MBTD1: variants seen among roughly 807,000 people sequenced by gnomAD.
MBTD1 encodes MBT domain-containing protein 1.
MBTD1 carries 24 observed loss-of-function variants against 87.8 expected under a neutral mutation model. That is an observed-to-expected ratio of 0.27 (90% CI 0.20 to 0.38). MBTD1 has a LOEUF of 0.38. Among genes scored for constraint, MBTD1 ranks in the 10% least tolerant of loss-of-function variants. The probability of loss-of-function intolerance (pLI) is 1.00; values close to 1 mark genes in which losing one functional copy is unlikely to be tolerated. For synonymous variants in MBTD1, 237 were observed against 248.6 expected (o/e 0.95, Z 0.44); for missense variants, 436 against 760.2 (o/e 0.57, Z 5.02).
At chr17:51,194,684 C>A (rs1429585126) in intron 13 of MBTD1, among the ~76,000 whole-genome samples, 1 of 148,456 alleles carries the variant, frequency 6.7e-6, no homozygotes, top group Non-Finnish European at 1.5e-5. Flanking sequence ...GACTTCAAGA[C>A]CAGCCTGGGT....
chr17:51,214,224 C>A (rs1598352069), intron 6 of MBTD1, among the ~76,000 whole-genome samples: 1 of 152,168 alleles, frequency 6.6e-6, no homozygotes, highest in African/African-American at 2.4e-5. Flanking sequence ...ACCTTGGCCT[C>A]CCAAAGTGTT....
chr17:51,232,140 T>C (rs748068599), intron 2 of MBTD1, among the ~76,000 whole-genome samples: 2 of 152,154 alleles, frequency 1.3e-5, no homozygotes, highest in Non-Finnish European at 2.9e-5. Flanking sequence ...ATCACAGGCC[T>C]GACCTCATGA....
chr17:51,192,920 T>G lies in MBTD1; in HGVS notation c.1552A>C (p.Ile518Leu). 6.2e-7 allele frequency: 1 copy of G among 1,614,182 alleles called. No homozygotes were observed. Among genetic ancestry groups the G allele is most frequent in the Non-Finnish European group, 8.5e-7 (1 of 1,180,022 alleles). The change falls in exon 15 of 17, where the codon ATT becomes CTT. Residue 518 changes from isoleucine to leucine, a missense_variant. This residue lies in a region of MBTD1 where 80 missense variants were observed against 182.2 expected (regional missense o/e 0.44). Coordinates refer to ENST00000586178, the MANE Select transcript of MBTD1 (RefSeq NM_017643.3). ...LICVATVTRI[I>L]HRLLRIHFDG... is the part of the protein sequence containing the mutation. Reference sequence around the variant, plus strand: ...AAATGTATCCTCAAGAGACGATGAATAATTCGAGTTACTGTGGCTACACAT... The same window carrying G: ...AAATGTATCCTCAAGAGACGATGAAGAATTCGAGTTACTGTGGCTACACAT...
At chr17:51,259,244 CA>C (rs998261680) in intron 1 of MBTD1, 38 bp from the exon 2 acceptor site, 1 of 1,231,372 alleles carries the variant, frequency 8.1e-7, no homozygotes, top group Non-Finnish European at 1.0e-6. Context: ...AAGGAGAACG[CA>C]ATGGTCACAG....
At chr17:51,190,721 C>CAAAAAAAAAA (rs1165717944) in intron 16 of MBTD1, among the ~76,000 whole-genome samples, 4 of 35,160 alleles carry the variant, frequency 1.1e-4, no homozygotes, top group African/African-American at 3.7e-4. Context: ...GACTCTGTCT[C>CAAAAAAAAAA]AAAAAAAAAA....
At chr17:51,211,792 AAC>A (rs1229120771) in intron 6 of MBTD1, among the ~76,000 whole-genome samples, 1 of 152,064 alleles carries the variant, frequency 6.6e-6, no homozygotes, top group Non-Finnish European at 1.5e-5. Flanking sequence ...GGAAAAAAAA[AAC>A]CAAAAATGAC....
chr17:51,260,596 G>A (rs762560099), upstream of MBTD1: 1 of 1,612,446 alleles, frequency 6.2e-7, no homozygotes, highest in African/African-American at 1.3e-5. Context: ...TGCCGCCGGA[G>A]CGGAGGAGAC....
Position 51,215,927 on chromosome 17 carries a change from A to ATTT in MBTD1, c.486+1404_486+1406dup, listed in dbSNP as rs35988235. Among the ~76,000 whole-genome samples, 918 of 114,098 alleles carry ATTT rather than the reference A, an allele frequency of 8.0e-3. 19 individuals carry two copies. The highest frequency in any genetic ancestry group is 0.017 in the African/African-American group (503 of 29,020). The allele number at this position is 114,098 out of a possible 152,430, so 74.9% of individuals were successfully genotyped here. Reference sequence around the variant, plus strand: ...GCTGTTATCTAAAAATAAAGCCCTAATTTTTTTTTTTTTTTTTTTTTTGAG... The same window carrying ATTT: ...GCTGTTATCTAAAAATAAAGCCCTAATTTTTTTTTTTTTTTTTTTTTTTTTGAG... On this transcript the variant is annotated intron_variant, in intron 6 of 16. Coordinates refer to ENST00000586178, the MANE Select transcript of MBTD1 (RefSeq NM_017643.3).
At chr17:51,209,695 G>T (rs897518374) in intron 6 of MBTD1, among the ~76,000 whole-genome samples, 1 of 152,166 alleles carries the variant, frequency 6.6e-6, no homozygotes, top group African/African-American at 2.4e-5. Context: ...GCCAACCAAA[G>T]ACAACCATAC....
intron 6 of MBTD1, among the ~76,000 whole-genome samples, chr17:51,216,712 A>G (rs1289106435): frequency 6.6e-6 from 1 of 152,238 alleles, no homozygotes; most frequent in Non-Finnish European, 1.5e-5. Context: ...GACATTGTCA[A>G]TATGCATATT....
At chr17:51,212,787 GCT>G (rs781315314) in intron 6 of MBTD1, among the ~76,000 whole-genome samples, 24 of 152,110 alleles carry the variant, frequency 1.6e-4, no homozygotes, top group Non-Finnish European at 2.1e-4. Flanking sequence ...ATGGAATTTT[GCT>G]CTTATTGCTT....
chr17:51,194,915 T>C (rs1298361655), intron 13 of MBTD1, among the ~76,000 whole-genome samples: 4 of 152,018 alleles, frequency 2.6e-5, no homozygotes, highest in Non-Finnish European at 4.4e-5. Flanking sequence ...AAAAAAATCA[T>C]GTATGCCATA....
intron 13 of MBTD1, among the ~76,000 whole-genome samples, chr17:51,194,822 T>TG (rs35172874): frequency 0.49 from 74,035 of 151,204 alleles, 18,397 homozygotes; most frequent in African/African-American, 0.54. Flanking sequence ...GCCCAGGAGT[T>TG]GAAGTTACCG....
In MBTD1 at chr17:51,180,630, C is replaced by T. The variant is rs370630316; in HGVS notation, c.1833G>A (p.Ala611=). The change falls in exon 17 of 17, where the codon GCG becomes GCA. Residue 611 remains alanine, a synonymous_variant. Transcript: ENST00000586178. ...DGEDYNFLQG[A]SDQESNGSAN... ...CAGAGCCATTGCTTTCCTGATCAGACGCTCCTTGAAGGAAATTATAATCCT... is the reference window on the plus strand; with the variant it reads ...CAGAGCCATTGCTTTCCTGATCAGATGCTCCTTGAAGGAAATTATAATCCT... 2.3e-5 allele frequency: 36 copies of T among 1,551,602 alleles called. No homozygotes were observed. Among genetic ancestry groups the T allele is most frequent in the African/African-American group, 1.8e-4 (13 of 73,020 alleles).
chr17:51,182,762 A>G (rs530848433), intron 16 of MBTD1, among the ~76,000 whole-genome samples: 2 of 152,344 alleles, frequency 1.3e-5, no homozygotes, highest in East Asian at 1.9e-4. Flanking sequence ...ATACACATAT[A>G]TGGGGTGTAA....
intron 12 of MBTD1, among the ~76,000 whole-genome samples, chr17:51,196,755 G>T (rs1484011188): frequency 6.6e-6 from 1 of 151,784 alleles, no homozygotes; most frequent in East Asian, 2.0e-4. Context: ...GCCAGGCATG[G>T]CGGTGGGGGC....
chr17:51,233,127 T>A (rs2053636691), intron 2 of MBTD1, among the ~76,000 whole-genome samples: 1 of 131,968 alleles, frequency 7.6e-6, no homozygotes, highest in Non-Finnish European at 1.6e-5. Flanking sequence ...GATAAAACTA[T>A]AATGTAAATT....
intron 16 of MBTD1, among the ~76,000 whole-genome samples, chr17:51,187,752 A>C (rs1434664354): frequency 1.3e-5 from 2 of 151,812 alleles, no homozygotes; most frequent in Non-Finnish European, 2.9e-5. Flanking sequence ...GGGAGGCTGA[A>C]GCAGGAGAAT....
At chr17:51,220,824 T>G (rs1452228979) in intron 3 of MBTD1, among the ~76,000 whole-genome samples, 2 of 152,160 alleles carry the variant, frequency 1.3e-5, no homozygotes, top group African/African-American at 4.8e-5. Context: ...ATGATTACAC[T>G]TGAAAGATGA....
Sources: gnomAD v4.1 joint callset for allele counts (sites outside exome capture counted in the v4.1 genomes callset) on GRCh38, gnomAD v4.1.1 for gene constraint, gnomAD v4.1.1 regional missense constraint, MANE v1.5 for transcripts, NCBI Gene and HGNC (gene_info 2026-07-23, HGNC 2026-07-21) for gene names.